TDRD7: variants seen among roughly 807,000 people sequenced by gnomAD.
The protein encoded by TDRD7 is tudor domain-containing protein 7.
In TDRD7, 47 loss-of-function variants were observed where a neutral mutation model predicts 109.8. The ratio of observed to expected loss-of-function variants is 0.43; its 90% CI spans 0.34 to 0.55. The LOEUF (loss-of-function observed/expected upper bound fraction) is 0.55, where lower values mean the gene tolerates loss of function less well. Among genes scored for constraint, TDRD7 ranks in the 20% least tolerant of loss-of-function variants. The pLI is 0.03. For synonymous variants in TDRD7, 424 were observed against 457.3 expected, an observed-to-expected ratio of 0.93 and a Z score of 0.93; for missense variants, 1,164 against 1,319.2, an observed-to-expected ratio of 0.88 and a Z score of 1.82.
At chr9:97,457,235 C>G (rs1178477786) in intron 6 of TDRD7, among the ~76,000 whole-genome samples, 1 of 152,086 alleles carries the variant, frequency 6.6e-6, no homozygotes, top group African/African-American at 2.4e-5. Flanking sequence ...TAAATTAGTT[C>G]AACTGTTGTG....
intron 4 of TDRD7, among the ~76,000 whole-genome samples, chr9:97,432,532 C>T (rs1037720885): frequency 6.6e-6 from 1 of 152,068 alleles, no homozygotes; most frequent in African/African-American, 2.4e-5. Context: ...TTCAGAAAAC[C>T]TTTTTTTAAC....
chr9:97,450,591 T>C (rs917085050), intron 6 of TDRD7, among the ~76,000 whole-genome samples: 1 of 152,184 alleles, frequency 6.6e-6, no homozygotes, highest in South Asian at 2.1e-4. Flanking sequence ...TCTTTTCAGA[T>C]GCACCAGAGC....
chr9:97,483,217 C>T lies in TDRD7; in HGVS notation c.2781C>T (p.Phe927=), dbSNP rs1469026028. The T allele has an allele frequency of 4.3e-6, 7 of 1,613,248 alleles. No homozygotes were observed. The highest frequency in any genetic ancestry group is 2.2e-5 in the South Asian group (2 of 91,050). ...YVPVACHPGY[F]VIQPWQEIHK... ...CTGTGGCCTGTCACCCAGGCTACTT[C>T]GTCATCCAGCCTTGGCAGGAGATAC... The change falls in exon 15 of 17, where the codon TTC becomes TTT. Residue 927 remains phenylalanine, a synonymous_variant. Coordinates refer to ENST00000355295, the MANE Select transcript of TDRD7 (RefSeq NM_014290.3).
intron 15 of TDRD7, 77 bp from the exon 16 acceptor site, chr9:97,487,095 A>C: frequency 1.4e-6 from 2 of 1,468,074 alleles, no homozygotes; most frequent in Non-Finnish European, 9.4e-7. Flanking sequence ...TCTTTTTATC[A>C]TAAAATATTT....
chr9:97,443,409 C>T (rs551514452), intron 6 of TDRD7, among the ~76,000 whole-genome samples: 2 of 152,264 alleles, frequency 1.3e-5, no homozygotes, highest in South Asian at 4.1e-4. Context: ...AACTCAAGAA[C>T]AATTAATATT....
rs372329308 is a variant in TDRD7, at chr9:97,478,431, C to T, written c.2167-8C>T. The T allele has an allele frequency of 2.5e-6, 4 of 1,613,854 alleles. No individual in the cohort carries two copies. Among genetic ancestry groups the T allele is most frequent in the Middle Eastern group, 1.6e-4 (1 of 6,080 alleles). On this transcript the variant is annotated splice_polypyrimidine_tract_variant and splice_region_variant and intron_variant, in intron 12 of 16. Coordinates refer to ENST00000355295, the MANE Select transcript of TDRD7 (RefSeq NM_014290.3). Reference sequence around the variant, plus strand: ...CTAATAAATGAGCCAACACTTATCTCATTTCAGATCACAAATGTTCACAGC... The same window carrying T: ...CTAATAAATGAGCCAACACTTATCTTATTTCAGATCACAAATGTTCACAGC...
chr9:97,451,697 T>TG (rs1366152424), intron 6 of TDRD7, among the ~76,000 whole-genome samples: 1 of 152,188 alleles, frequency 6.6e-6, no homozygotes, highest in Non-Finnish European at 1.5e-5. Context: ...TTGATCCAGG[T>TG]GGTCAGAAGT....
At chr9:97,480,349 A>C (rs2131174303) in intron 13 of TDRD7, 1 of 198,376 alleles carries the variant, frequency 5.0e-6, no homozygotes, top group Middle Eastern at 2.3e-3. Flanking sequence ...AGGCAAACAA[A>C]TGTGCCTGGT....
chr9:97,474,002 CAA>C (rs1212774182), intron 11 of TDRD7, among the ~76,000 whole-genome samples: 1 of 152,160 alleles, frequency 6.6e-6, no homozygotes, highest in Non-Finnish European at 1.5e-5. Context: ...CTGCCTTAGG[CAA>C]GGAGAAACCT....
intron 8 of TDRD7, among the ~76,000 whole-genome samples, chr9:97,470,107 C>A (rs146993953): frequency 1.3e-5 from 2 of 152,196 alleles, no homozygotes; most frequent in East Asian, 3.9e-4. Context: ...CTGATAAATA[C>A]CACAAGGATG....
At chr9:97,493,138 C>A (rs1434404228) in intron 16 of TDRD7, among the ~76,000 whole-genome samples, 1 of 152,168 alleles carries the variant, frequency 6.6e-6, no homozygotes, top group Non-Finnish European at 1.5e-5. Flanking sequence ...TTACCCCTTA[C>A]TCGCTCACAA....
intron 4 of TDRD7, among the ~76,000 whole-genome samples, chr9:97,436,991 C>G (rs993912621): frequency 3.9e-5 from 6 of 152,184 alleles, no homozygotes; most frequent in African/African-American, 1.4e-4. Context: ...ACTTCCTCCT[C>G]TATCTCCTAA....
chr9:97,495,983 T>G lies in TDRD7; in HGVS notation c.*100T>G, dbSNP rs903416289. On this transcript the variant is annotated 3_prime_UTR_variant, in exon 17 of 17. Transcript: ENST00000355295. ...CTTAACTCTGCTACATGGCTCTGACTGCTGTGGGGGATTGAAAAGAATATG... is the reference window on the plus strand; with the variant it reads ...CTTAACTCTGCTACATGGCTCTGACGGCTGTGGGGGATTGAAAAGAATATG... The G allele has an allele frequency of 2.8e-5, 26 of 915,024 alleles. No homozygotes were observed. The highest frequency in any genetic ancestry group is 4.5e-5 in the Non-Finnish European group (25 of 559,960). The allele number at this position is 915,024 out of a possible 1,614,324, so 56.7% of individuals were successfully genotyped here.
chr9:97,419,119 A>G (rs527627383), intron 1 of TDRD7, among the ~76,000 whole-genome samples: 1 of 152,320 alleles, frequency 6.6e-6, no homozygotes, highest in Admixed American at 6.5e-5. Flanking sequence ...CTGACATTAT[A>G]TCTATATGTA....
At chr9:97,463,205 A>G (rs1030184307) in intron 7 of TDRD7, among the ~76,000 whole-genome samples, 2 of 152,212 alleles carry the variant, frequency 1.3e-5, no homozygotes, top group Non-Finnish European at 2.9e-5. Flanking sequence ...CTTGAGCCCA[A>G]GAGTCCAACC....
intron 7 of TDRD7, among the ~76,000 whole-genome samples, chr9:97,463,115 A>T (rs1022656845): frequency 1.3e-5 from 2 of 152,188 alleles, no homozygotes; most frequent in Admixed American, 1.3e-4. Flanking sequence ...GCAAAGCTCA[A>T]TACATTTAAA....
intron 13 of TDRD7, among the ~76,000 whole-genome samples, chr9:97,479,841 T>A (rs1829084753): frequency 6.6e-6 from 1 of 152,248 alleles, no homozygotes; most frequent in Non-Finnish European, 1.5e-5. Flanking sequence ...CTTGACAAAT[T>A]GGAAAATCTG....
intron 8 of TDRD7, among the ~76,000 whole-genome samples, chr9:97,467,061 C>A (rs988866240): frequency 1.3e-5 from 2 of 152,114 alleles, no homozygotes; most frequent in African/African-American, 2.4e-5. Flanking sequence ...TGGGTGTGTG[C>A]CTTTGGTCAA....
intron 5 of TDRD7, among the ~76,000 whole-genome samples, chr9:97,440,172 A>G (rs1260688536): frequency 1.3e-5 from 2 of 152,216 alleles, no homozygotes; most frequent in African/African-American, 4.8e-5. Context: ...GCAAAGTTGA[A>G]TATCCTTTTA....
Sources: allele counts gnomAD v4.1 joint callset (sites outside exome capture counted in the v4.1 genomes callset), GRCh38; gene constraint gnomAD v4.1.1; transcripts MANE v1.5; gene names NCBI Gene and HGNC (gene_info 2026-07-23, HGNC 2026-07-21).